The following FILIP1 variants were observed in gnomAD, a reference collection of about 807,000 sequenced individuals.
FILIP1 encodes filamin A interacting protein 1.
A neutral mutation model predicts 102.1 loss-of-function variants in FILIP1; 61 were observed. The ratio of observed to expected loss-of-function variants is 0.60; its 90% CI spans 0.49 to 0.74. The LOEUF is 0.74. Ranked by LOEUF, FILIP1 falls within the 30% of genes least tolerant of loss-of-function variation. The pLI is 0.00. For synonymous variants in FILIP1, 491 were observed against 526.9 expected (o/e 0.93, Z 0.93); for missense variants, 1,314 against 1,441.2 (o/e 0.91, Z 1.43).
chr6:75,403,679 A>G (rs945963320), intron 2 of FILIP1, among the ~76,000 whole-genome samples: 5 of 152,074 alleles, frequency 3.3e-5, no homozygotes, highest in Non-Finnish European at 7.4e-5. Flanking sequence ...AAATGTAGAG[A>G]CTGCCTGATT....
At chr6:75,458,027 G>A (rs1778902009) in intron 1 of FILIP1, 1 of 152,122 alleles carries the variant, frequency 6.6e-6, no homozygotes, top group South Asian at 2.1e-4. Flanking sequence ...TAATCAGAAT[G>A]CTCAATTAAA....
intron 1 of FILIP1, among the ~76,000 whole-genome samples, chr6:75,480,689 T>C (rs964713076): frequency 6.6e-6 from 1 of 152,202 alleles, no homozygotes; most frequent in Admixed American, 6.5e-5. Context: ...GCAAATACTT[T>C]TATAGGAAGC....
intron 6 of FILIP1, among the ~76,000 whole-genome samples, chr6:75,300,324 A>G (rs985650861): frequency 2.0e-5 from 3 of 152,160 alleles, no homozygotes; most frequent in South Asian, 2.1e-4. Flanking sequence ...TTTTGCATCA[A>G]TTTGCCTATA....
intron 4 of FILIP1, among the ~76,000 whole-genome samples, chr6:75,348,953 G>A (rs1353885662): frequency 6.6e-6 from 1 of 151,872 alleles, no homozygotes; most frequent in Non-Finnish European, 1.5e-5. Context: ...GGATATAAGA[G>A]GGTGGGGTGG....
At chr6:75,389,200 C>G (rs1021063253) in intron 2 of FILIP1, among the ~76,000 whole-genome samples, 4 of 152,198 alleles carry the variant, frequency 2.6e-5, no homozygotes, top group African/African-American at 9.7e-5. Context: ...TTGAATCAGC[C>G]TTGCATCCCA....
At chr6:75,485,713 T>C (rs539969449) in intron 1 of FILIP1, among the ~76,000 whole-genome samples, 1 of 152,280 alleles carries the variant, frequency 6.6e-6, no homozygotes, top group South Asian at 2.1e-4. Context: ...TTGGACATCA[T>C]GCAGGCAAAT....
intron 3 of FILIP1, among the ~76,000 whole-genome samples, chr6:75,359,962 G>A (rs1385397942): frequency 6.6e-6 from 1 of 152,152 alleles, no homozygotes; most frequent in African/African-American, 2.4e-5. Flanking sequence ...GCACTGAGGA[G>A]GTCACCACTG....
chr6:75,444,230 A>G (rs73461760), intron 1 of FILIP1, among the ~76,000 whole-genome samples: 3,144 of 152,324 alleles, frequency 0.021, 114 homozygotes, highest in African/African-American at 0.072. Flanking sequence ...TGATACTTCA[A>G]TGAGATTCAG....
At chr6:75,460,010 C>T (rs1778970653) in intron 1 of FILIP1, among the ~76,000 whole-genome samples, 1 of 152,184 alleles carries the variant, frequency 6.6e-6, no homozygotes, top group Non-Finnish European at 1.5e-5. Context: ...ACACTTAAGA[C>T]TCCAACAGAG....
At chr6:75,310,260 T>C (rs796412495) in intron 5 of FILIP1, among the ~76,000 whole-genome samples, 24 of 152,262 alleles carry the variant, frequency 1.6e-4, no homozygotes, top group African/African-American at 5.1e-4. Flanking sequence ...CCTCCACTTC[T>C]GTGAAGCCTT....
rs529111190 is a variant in FILIP1, at chr6:75,415,037, G to C, written c.-6-59C>G. The stretch of plus-strand genomic sequence containing the variant: ...CTTTACCACCATCAAAATTATTTTT[G>C]CCTAAATACTTAGAAACTTATAGCA... On this transcript the variant is annotated intron_variant, in intron 1 of 5. Coordinates refer to ENST00000237172, the MANE Select transcript of FILIP1 (RefSeq NM_015687.5). 9.1e-5 allele frequency: 136 copies of C among 1,498,252 alleles called. 1 individual carries two copies. In the East Asian group the frequency reaches 3.1e-3, roughly 34 times the overall value. The allele number at this position is 1,498,252 out of a possible 1,614,324, so 92.8% of individuals were successfully genotyped here.
chr6:75,455,655 C>T (rs888399776), intron 1 of FILIP1, among the ~76,000 whole-genome samples: 2 of 152,198 alleles, frequency 1.3e-5, no homozygotes, highest in Non-Finnish European at 2.9e-5. Context: ...AACAGCTTGA[C>T]TTCCTCAAGG....
intron 1 of FILIP1, among the ~76,000 whole-genome samples, chr6:75,461,222 C>T (rs1257140908): frequency 2.6e-5 from 4 of 152,178 alleles, no homozygotes; most frequent in African/African-American, 7.2e-5. Flanking sequence ...TCATCAGACC[C>T]ACTCTATAAA....
intron 2 of FILIP1, among the ~76,000 whole-genome samples, chr6:75,402,291 T>G (rs1776684296): frequency 6.6e-6 from 1 of 152,128 alleles, no homozygotes; most frequent in South Asian, 2.1e-4. Flanking sequence ...CACATGAGAT[T>G]CTGAAGCATC....
chr6:75,427,579 G>C (rs1430509565), intron 1 of FILIP1, among the ~76,000 whole-genome samples: 1 of 152,134 alleles, frequency 6.6e-6, no homozygotes, highest in Non-Finnish European at 1.5e-5. Context: ...CTCTCATTAA[G>C]AGGGAATGGT....
chr6:75,466,639 A>G (rs1462786028), intron 1 of FILIP1, among the ~76,000 whole-genome samples: 1 of 152,200 alleles, frequency 6.6e-6, no homozygotes. Flanking sequence ...GTAATCTACA[A>G]AGGTAAAACT....
At chr6:75,487,317 T>C (rs1779816270) in intron 1 of FILIP1, among the ~76,000 whole-genome samples, 1 of 152,118 alleles carries the variant, frequency 6.6e-6, no homozygotes, top group South Asian at 2.1e-4. Context: ...TGTGTTGTCG[T>C]CACAGTAACT....
intron 4 of FILIP1, among the ~76,000 whole-genome samples, chr6:75,340,314 T>C (rs1205736927): frequency 6.6e-6 from 1 of 152,128 alleles, no homozygotes; most frequent in Non-Finnish European, 1.5e-5. Flanking sequence ...CCACAACTGT[T>C]ATATGGATGG....
At chr6:75,480,762 G>A (rs1475497741) in intron 1 of FILIP1, among the ~76,000 whole-genome samples, 1 of 152,188 alleles carries the variant, frequency 6.6e-6, no homozygotes, top group Non-Finnish European at 1.5e-5. Flanking sequence ...ACTCAGCAAT[G>A]TGGTTTGAGG....
Sources: gnomAD v4.1 joint callset for allele counts (sites outside exome capture counted in the v4.1 genomes callset) on GRCh38, gnomAD v4.1.1 for gene constraint, MANE v1.5 for transcripts, NCBI Gene and HGNC (gene_info 2026-07-23, HGNC 2026-07-21) for gene names.